Variants in ZNF140 observed in about 807,000 individuals in gnomAD.
The protein encoded by ZNF140 is zinc finger protein 140 (clone pHZ-39).
A neutral mutation model predicts 12.9 loss-of-function variants in ZNF140; 13 were observed. That is an observed-to-expected ratio of 1.01 (90% CI 0.66 to 1.60). The LOEUF is 1.60. Among genes scored for constraint, ZNF140 ranks in the 40% most tolerant of loss-of-function variants. The pLI, the probability that ZNF140 is intolerant of heterozygous loss-of-function variation, is 0.00. For missense variants in ZNF140, 531 were observed against 548.8 expected (o/e 0.97, Z 0.32); for synonymous variants, 214 against 186.7 (o/e 1.15, Z -1.19).
chr12:133,083,588 A>G (rs1954573005), intron 4 of ZNF140, 27 bp downstream of exon 4: 1 of 1,588,972 alleles, frequency 6.3e-7, no homozygotes, highest in Non-Finnish European at 8.6e-7. Context: ...CTGATGGGGA[A>G]ATTTTTTAAA....
chr12:133,099,268 G>T (rs1363717552), intron 4 of ZNF140, among the ~76,000 whole-genome samples: 2 of 152,140 alleles, frequency 1.3e-5, no homozygotes, highest in African/African-American at 4.8e-5. Flanking sequence ...TGCCTCCCGG[G>T]TTCCAGACAT....
rs1359991738 is a variant in ZNF140, at chr12:133,107,160, CTTACATT to C, written c.*513_*519del. The C allele has an allele frequency of 1.3e-5, 2 of 152,662 alleles. No individual in the cohort carries two copies. The highest frequency in any genetic ancestry group is 2.9e-5 in the Non-Finnish European group (2 of 68,452). The allele number at this position is 152,662 out of a possible 1,614,324, so 9.5% of individuals were successfully genotyped here. ...GAATGCCTTCATTTACAATGCAATACTTACATTTTAATACTCTTGTAGGAGAAAAAGC... is the reference window on the plus strand; with the variant it reads ...GAATGCCTTCATTTACAATGCAATACTTAATACTCTTGTAGGAGAAAAAGC... On this transcript the variant is annotated 3_prime_UTR_variant, in exon 5 of 5. Coordinates refer to ENST00000355557, the MANE Select transcript of ZNF140 (RefSeq NM_003440.4).
intron 2 of ZNF140, 185 bp downstream of exon 2, chr12:133,081,514 T>C: frequency 2.2e-6 from 1 of 458,504 alleles, no homozygotes; most frequent in South Asian, 1.5e-5. Context: ...CTTTGTGAAG[T>C]GCAGCCGTGT....
rs1001490009 is a variant in ZNF140 at position 133,096,140 on chromosome 12, G to A, written c.233-9370G>A. ...GGGGAGAAACCTTGGACAATACCCC[G>A]CTTCCAAGGGCAGAGGTCCCTGTGG... On this transcript the variant is annotated intron_variant, in intron 4 of 4. Transcript: ENST00000355557. Among the ~76,000 whole-genome samples the A allele has an allele frequency of 5.3e-5, 8 of 151,024 alleles. 1 individual carries two copies. The highest frequency in any genetic ancestry group is 1.9e-4 in the East Asian group (1 of 5,182).
At chr12:133,105,415 T>A in intron 4 of ZNF140, 95 bp from the exon 5 acceptor site, 1 of 1,346,186 alleles carries the variant, frequency 7.4e-7, no homozygotes, top group Non-Finnish European at 9.9e-7. Context: ...TAAGATTTTT[T>A]GAAACTTCAT....
At position 133,107,358 on chromosome 12, in the gene ZNF140, A is replaced by AG. The variant is rs1479532556; in HGVS notation, c.*712dup. On this transcript the variant is annotated 3_prime_UTR_variant, in exon 5 of 5. Transcript: ENST00000355557. ...TAGGAAACGGTTCTATTTTGAGGGA[A>AG]GGGGGATTCCTTTTTGTTTTTTAAG... is the stretch of plus-strand genomic sequence containing the variant. The AG allele has an allele frequency of 6.6e-6, 1 of 152,188 alleles. No homozygotes were observed. Among genetic ancestry groups the AG allele is most frequent in the Non-Finnish European group, 1.5e-5 (1 of 68,026 alleles). 9.4% of individuals were successfully genotyped at this position (152,188 alleles called of 1,614,324 possible).
intron 4 of ZNF140, among the ~76,000 whole-genome samples, chr12:133,103,445 TG>T (rs34028154): frequency 0.082 from 11,663 of 142,358 alleles, 801 homozygotes; most frequent in African/African-American, 0.2. Context: ...TTTTTTTTTT[TG>T]GGTAAAGACA....
chr12:133,089,054 G>C (rs1216106452), intron 4 of ZNF140, among the ~76,000 whole-genome samples: 1 of 152,040 alleles, frequency 6.6e-6, no homozygotes, highest in Non-Finnish European at 1.5e-5. Flanking sequence ...TTTGATACTA[G>C]GTCAGTGCTG....
chr12:133,098,732 T>G (rs1468108237), intron 4 of ZNF140, among the ~76,000 whole-genome samples: 3 of 152,172 alleles, frequency 2.0e-5, no homozygotes, highest in Non-Finnish European at 4.4e-5. Context: ...TGAGACAGAG[T>G]CTCGCTCTGT....
intron 4 of ZNF140, among the ~76,000 whole-genome samples, chr12:133,096,072 A>G (rs1446123216): frequency 2.0e-5 from 3 of 151,546 alleles, no homozygotes; most frequent in African/African-American, 7.3e-5. Context: ...GGGGATGGTC[A>G]GGTCTTTCTC....
Position 133,105,627 on chromosome 12 carries a change from T to G in ZNF140, c.350T>G (p.Phe117Cys). The G allele has an allele frequency of 6.2e-7, 1 of 1,614,160 alleles. No individual in the cohort carries two copies. The highest frequency in any genetic ancestry group is 8.5e-7 in the Non-Finnish European group (1 of 1,180,028). The part of the protein sequence containing the change: ...ILSQGPVYSS[F>C]KGGWKCKDHT... ...AGTCAAGGCCCTGTGTATTCCAGTT[T>G]TAAAGGAGGCTGGAAATGCAAGGAT... The change falls in exon 5 of 5, where the codon TTT becomes TGT. Residue 117 changes from phenylalanine to cysteine, a missense_variant. Phe to Cys is a radical substitution (Grantham distance 205, BLOSUM62 -2). Transcript: ENST00000355557.
intron 4 of ZNF140, among the ~76,000 whole-genome samples, chr12:133,102,318 C>T (rs1955377534): frequency 6.6e-6 from 1 of 152,136 alleles, no homozygotes; most frequent in Non-Finnish European, 1.5e-5. Flanking sequence ...CTGTATTGAT[C>T]TTAAATAACA....
chr12:133,084,517 G>A (rs1954610695), intron 4 of ZNF140, among the ~76,000 whole-genome samples: 1 of 152,184 alleles, frequency 6.6e-6, no homozygotes, highest in Non-Finnish European at 1.5e-5. Context: ...GTACAGCAGT[G>A]AAAAAAGGAA....
At chr12:133,103,455 CA>C (rs1352680156) in intron 4 of ZNF140, among the ~76,000 whole-genome samples, 2 of 146,710 alleles carry the variant, frequency 1.4e-5, no homozygotes, top group Non-Finnish European at 3.0e-5. Context: ...TGGGTAAAGA[CA>C]GGGGTCTCAC....
intron 4 of ZNF140, among the ~76,000 whole-genome samples, chr12:133,100,705 T>A (rs1955315186): frequency 6.6e-6 from 1 of 152,204 alleles, no homozygotes; most frequent in African/African-American, 2.4e-5. Flanking sequence ...TTTTGGCATA[T>A]CTGAATTGTC....
chr12:133,091,135 T>A (rs1335488370), intron 4 of ZNF140, among the ~76,000 whole-genome samples: 2 of 149,872 alleles, frequency 1.3e-5, no homozygotes, highest in African/African-American at 4.9e-5. Context: ...TGGGGGACGG[T>A]CAGGTCTTTC....
chr12:133,105,260 T>A (rs1346240601), intron 4 of ZNF140, among the ~76,000 whole-genome samples: 1 of 152,216 alleles, frequency 6.6e-6, no homozygotes, highest in East Asian at 1.9e-4. Context: ...AAATATTTCC[T>A]GATAGCTCTA....
chr12:133,091,795 T>A (rs1954900119), intron 4 of ZNF140, among the ~76,000 whole-genome samples: 1 of 151,206 alleles, frequency 6.6e-6, no homozygotes, highest in Non-Finnish European at 1.5e-5. Flanking sequence ...TAACTGGGTT[T>A]TGATGTTTCA....
chr12:133,101,205 T>G lies in ZNF140; in HGVS notation c.233-4305T>G, dbSNP rs1194153139. ...GTGTTTCCTCCATCTGTGGTTTGGT[T>G]TATGACATTAATTTGGGGAAATTCT... On this transcript the variant is annotated intron_variant, in intron 4 of 4. Coordinates refer to ENST00000355557, the MANE Select transcript of ZNF140 (RefSeq NM_003440.4). Among the ~76,000 whole-genome samples the G allele has an allele frequency of 1.3e-5, 2 of 152,218 alleles. 1 individual carries two copies.
Sources: allele counts gnomAD v4.1 joint callset (sites outside exome capture counted in the v4.1 genomes callset), GRCh38; gene constraint gnomAD v4.1.1; transcripts MANE v1.5; gene names NCBI Gene and HGNC (gene_info 2026-07-23, HGNC 2026-07-21).